Variants in KIF3C observed in about 807,000 individuals in gnomAD.
KIF3C encodes the protein kinesin-like protein KIF3C.
Under a neutral mutation model 67.7 loss-of-function variants are expected in KIF3C, and 12 were observed. The ratio of observed to expected loss-of-function variants is 0.18; its 90% CI spans 0.11 to 0.29. KIF3C has a LOEUF of 0.29. Ranked by LOEUF, KIF3C falls within the 10% of genes least tolerant of loss-of-function variation. The pLI is 1.00. For synonymous variants in KIF3C, 393 were observed against 426.2 expected, an observed-to-expected ratio of 0.92 and a Z score of 0.96; for missense variants, 789 against 1,059.6, an observed-to-expected ratio of 0.74 and a Z score of 3.55.
In KIF3C at chr2:25,958,603, G is replaced by C. The variant is rs901164805; in HGVS notation, c.1546-2159C>G. ...CACAAAAAACAAAAAACAAAAAACA[G>C]CACAACTCTGAATGCTTGCTCCTTG... On this transcript the variant is annotated intron_variant, in intron 1 of 7. Coordinates refer to ENST00000264712, the MANE Select transcript of KIF3C (RefSeq NM_002254.8). This position sits in a 1 kb window ranked among gnomAD's most constrained non-coding sequence, Gnocchi z 4.5. Among the ~76,000 whole-genome samples, 2 of 151,948 alleles carry C rather than the reference G, an allele frequency of 1.3e-5. No homozygotes were observed. The highest frequency in any genetic ancestry group is 4.8e-5 in the African/African-American group (2 of 41,358).
In KIF3C at chr2:25,980,716, C is replaced by T. The variant is rs757372654; in HGVS notation, c.1202G>A (p.Gly401Glu). The T allele has an allele frequency of 1.9e-6, 3 of 1,614,046 alleles. No homozygotes were observed. The highest frequency in any genetic ancestry group is 2.5e-6 in the Non-Finnish European group (3 of 1,180,010). ...KAQLEKRGML[G>E]KRPRRKSSRR... ...GCTGCTCTTCCTCCGGGGCCGCTTC[C>T]CCAGCATCCCCCTCTTCTCCAGCTG... is the stretch of plus-strand genomic sequence containing the variant. Residue 401 changes from glycine to glutamate, a missense_variant, in exon 1 of 8, where the codon GGG (glycine) becomes GAG (glutamate). Physicochemically the swap from Gly to Glu is moderately conservative, Grantham distance 98 (BLOSUM62 -2). Coordinates refer to ENST00000264712, the MANE Select transcript of KIF3C (RefSeq NM_002254.8). The surrounding 1 kb of genome is among the most constrained non-coding windows in gnomAD (Gnocchi z 7.6).
At chr2:25,973,910 G>A (rs192038587) in intron 1 of KIF3C, among the ~76,000 whole-genome samples, 231 of 152,274 alleles carry the variant, frequency 1.5e-3, no homozygotes, top group African/African-American at 5.1e-3. Context: ...ACTCTGAAGC[G>A]CCTTGAATGC....
chr2:25,982,343 C>A lies in KIF3C; in HGVS notation c.-426G>T. 2 of 398,962 alleles carry A rather than the reference C, an allele frequency of 5.0e-6. No homozygotes were observed. The highest frequency in any genetic ancestry group is 2.5e-4 in the South Asian group (2 of 7,854). The allele number at this position is 398,962 out of a possible 1,614,324, so 24.7% of individuals were successfully genotyped here. A position where few individuals can be genotyped will look rare whatever the true frequency, so the allele number is the denominator to read the frequency against. On this transcript the variant is annotated 5_prime_UTR_variant, in exon 1 of 8. Coordinates refer to ENST00000264712, the MANE Select transcript of KIF3C (RefSeq NM_002254.8). ...GGGATCCATAGCGTGGGCTGCCGGT[C>A]GTGGGCGGCCGGGGGTCCCGGGCCT...
In KIF3C at chr2:25,981,110, C is replaced by T; in HGVS notation, c.808G>A (p.Gly270Ser). 2 of 1,614,238 alleles carry T rather than the reference C, an allele frequency of 1.2e-6. No homozygotes were observed. The highest frequency in any genetic ancestry group is 1.7e-6 in the Non-Finnish European group (2 of 1,180,044). ...CTGCCTCCACCGCCACCACCGCCAC[C>T]CGAGGATGGTGTGGCTGCCCCTCCC... is the stretch of plus-strand genomic sequence containing the variant. The part of the protein sequence containing the change: ...TAGGAATPSS[G>S]GGGGGGGSGG... The change falls in exon 1 of 8, where the codon GGT becomes AGT. Residue 270 changes from glycine to serine, a missense_variant. Transcript: ENST00000264712. The surrounding 1 kb of genome is among the most constrained non-coding windows in gnomAD (Gnocchi z 8.2).
intron 3 of KIF3C, 142 bp from the exon 4 acceptor site, chr2:25,954,527 G>GC: frequency 1.6e-6 from 1 of 637,420 alleles, no homozygotes; most frequent in Non-Finnish European, 2.8e-6. Context: ...TGAACTCCCC[G>GC]CTGTGCCCAA....
rs1459549521 is a variant in KIF3C, at chr2:25,963,045, T to C, written c.1546-6601A>G. Reference sequence around the variant, plus strand: ...AATATATAATATATAATATATAATATATAAATATATAAATATATATACACA... The same window carrying C: ...AATATATAATATATAATATATAATACATAAATATATAAATATATATACACA... On this transcript the variant is annotated intron_variant, in intron 1 of 7. Transcript: ENST00000264712. Among the ~76,000 whole-genome samples, 17 of 79,636 alleles carry C rather than the reference T, an allele frequency of 2.1e-4. 3 individuals carry two copies. The highest frequency in any genetic ancestry group is 3.3e-4 in the Non-Finnish European group (15 of 45,778). The allele number at this position is 79,636 out of a possible 152,430, so 52.2% of individuals were successfully genotyped here.
intron 1 of KIF3C, among the ~76,000 whole-genome samples, chr2:25,970,031 A>T (rs1664239047): frequency 6.6e-6 from 1 of 152,210 alleles, no homozygotes; most frequent in Non-Finnish European, 1.5e-5. Context: ...TTTGTTGATT[A>T]TACGAACGAA....
chr2:25,951,975 G>A (rs1286810396), intron 4 of KIF3C, 70 bp from the exon 5 acceptor site: 1 of 1,045,730 alleles, frequency 9.6e-7, no homozygotes, highest in Non-Finnish European at 1.5e-6. Context: ...TGTGAGGGTT[G>A]AAGGATTAGA....
intron 1 of KIF3C, among the ~76,000 whole-genome samples, chr2:25,962,831 T>A (rs1170809955): frequency 1.4e-5 from 1 of 69,480 alleles, no homozygotes; most frequent in African/African-American, 7.3e-5. Context: ...ATATAAAATA[T>A]ATAAAATATA....
At chr2:25,942,042 A>C (rs927530907) in intron 5 of KIF3C, among the ~76,000 whole-genome samples, 3 of 151,868 alleles carry the variant, frequency 2.0e-5, no homozygotes, top group Admixed American at 1.3e-4. Context: ...GTCTCAAAAA[A>C]ATAGATAAAA....
At chr2:25,970,530 T>C (rs1210392566) in intron 1 of KIF3C, among the ~76,000 whole-genome samples, 3 of 151,478 alleles carry the variant, frequency 2.0e-5, no homozygotes, top group Non-Finnish European at 4.4e-5. Context: ...TAGCCAGGTG[T>C]GGTGGTGGCC....
At chr2:25,945,029 G>A (rs1390797966) in intron 5 of KIF3C, among the ~76,000 whole-genome samples, 2 of 151,936 alleles carry the variant, frequency 1.3e-5, no homozygotes, top group African/African-American at 4.8e-5. Flanking sequence ...TACTCAGGAG[G>A]CTGAGGCAGG....
At position 25,958,699 on chromosome 2, in the gene KIF3C, C is replaced by T. The variant is rs918375043; in HGVS notation, c.1546-2255G>A. ...CAAGGTCAGCTGCAGTGACAGGCCCCGGGAGCTGGCCTGGCCTCCCGGTTC... is the reference window on the plus strand; with the variant it reads ...CAAGGTCAGCTGCAGTGACAGGCCCTGGGAGCTGGCCTGGCCTCCCGGTTC... On this transcript the variant is annotated intron_variant, in intron 1 of 7. Transcript: ENST00000264712. The surrounding 1 kb of genome is among the most constrained non-coding windows in gnomAD (Gnocchi z 4.5). 3.9e-5 allele frequency among the ~76,000 whole-genome samples: 6 copies of T among 152,340 alleles called. No individual in the cohort carries two copies. The South Asian group carries it at 6.2e-4, about 16-fold the overall frequency.
At chr2:25,977,859 G>C (rs1159154478) in intron 1 of KIF3C, among the ~76,000 whole-genome samples, 1 of 152,124 alleles carries the variant, frequency 6.6e-6, no homozygotes, top group Non-Finnish European at 1.5e-5. Flanking sequence ...GGGGAACTTG[G>C]GTCCTCTGTC....
intron 1 of KIF3C, 36 bp from the exon 2 acceptor site, chr2:25,956,480 A>C: frequency 6.6e-6 from 10 of 1,514,946 alleles, no homozygotes; most frequent in Non-Finnish European, 9.2e-6. Flanking sequence ...TGGGCTTTGC[A>C]AAGGGTCCAC....
At chr2:25,942,998 T>C (rs765482287) in intron 5 of KIF3C, among the ~76,000 whole-genome samples, 1 of 152,182 alleles carries the variant, frequency 6.6e-6, no homozygotes, top group African/African-American at 2.4e-5. Flanking sequence ...ACAGCATGAC[T>C]TCAGGTAATT....
intron 5 of KIF3C, among the ~76,000 whole-genome samples, chr2:25,947,810 C>G (rs1663485958): frequency 6.6e-6 from 1 of 151,856 alleles, no homozygotes; most frequent in African/African-American, 2.4e-5. Flanking sequence ...TTCATTCTTT[C>G]TATGTTTATT....
chr2:25,972,217 C>T (rs1298315015), intron 1 of KIF3C, among the ~76,000 whole-genome samples: 3 of 152,012 alleles, frequency 2.0e-5, no homozygotes, highest in African/African-American at 4.8e-5. Context: ...TTGTGCTCTG[C>T]GGAGGCTGGA....
chr2:25,936,347 A>G lies in KIF3C; in HGVS notation c.2007-6284T>C, dbSNP rs187948496. On this transcript the variant is annotated intron_variant, in intron 5 of 7. Coordinates refer to ENST00000264712, the MANE Select transcript of KIF3C (RefSeq NM_002254.8). ...TAAGCCAGCATACCTGGCCAGTTTT[A>G]AGGAAATGCGTGTGTGTGTGTCTGC... Among the ~76,000 whole-genome samples the G allele has an allele frequency of 1.6e-4, 24 of 152,234 alleles. No homozygotes were observed. The East Asian group carries it at 4.6e-3, about 29-fold the overall frequency.
Sources: gnomAD v4.1 joint callset for allele counts (sites outside exome capture counted in the v4.1 genomes callset) on GRCh38, gnomAD v4.1.1 for gene constraint, Gnocchi (gnomAD v3.1) non-coding constraint, MANE v1.5 for transcripts, NCBI Gene and HGNC (gene_info 2026-07-23, HGNC 2026-07-21) for gene names.